The following NAA25 variants were observed in gnomAD, a reference collection of about 807,000 sequenced individuals.
NAA25 encodes the protein N-terminal acetyltransferase B complex subunit NAA25.
Under a neutral mutation model 132.5 loss-of-function variants are expected in NAA25, and 30 were observed. That is an observed-to-expected ratio of 0.23 (90% CI 0.17 to 0.31). NAA25 has a LOEUF of 0.31. NAA25 is among the 10% of genes least tolerant of loss of function. NAA25 has a pLI of 1.00. For missense variants in NAA25, 771 were observed against 1,150.4 expected (o/e 0.67, Z 4.77); for synonymous variants, 359 against 401.9 (o/e 0.89, Z 1.28).
chr12:112,050,177 G>A (rs1484941379), intron 15 of NAA25, among the ~76,000 whole-genome samples: 1 of 151,984 alleles, frequency 6.6e-6, no homozygotes, highest in Admixed American at 6.6e-5. Context: ...TAGTCCTTCT[G>A]TAACACTGCA....
At chr12:112,071,662 G>A (rs977891277) in intron 10 of NAA25, among the ~76,000 whole-genome samples, 3 of 152,114 alleles carry the variant, frequency 2.0e-5, no homozygotes, top group African/African-American at 7.2e-5. Flanking sequence ...GTCAGCAACA[G>A]AATGCCTGAC....
At chr12:112,108,575 G>T in intron 1 of NAA25, 141 bp downstream of exon 1, 1 of 912,198 alleles carries the variant, frequency 1.1e-6, no homozygotes, top group Non-Finnish European at 1.4e-6. Context: ...CCGCGGCTGC[G>T]GCCTAGTGGC....
chr12:112,093,449 G>A (rs528250036), intron 1 of NAA25, among the ~76,000 whole-genome samples: 2 of 152,226 alleles, frequency 1.3e-5, no homozygotes, highest in African/African-American at 2.4e-5. Flanking sequence ...GCTGAGGCAC[G>A]AGAATCGCTT....
At chr12:112,078,580 A>T in intron 6 of NAA25, 54 bp downstream of exon 6, 6 of 1,419,070 alleles carry the variant, frequency 4.2e-6, no homozygotes, top group Non-Finnish European at 5.0e-6. Context: ...ATAACATAAT[A>T]TTGTAGCACT....
chr12:112,074,191 A>G (rs1314777758), intron 9 of NAA25, among the ~76,000 whole-genome samples: 1 of 152,032 alleles, frequency 6.6e-6, no homozygotes, highest in Non-Finnish European at 1.5e-5. Flanking sequence ...AAATACAAAA[A>G]GTAGCTGAGC....
At chr12:112,061,530 T>C in intron 11 of NAA25, 142 bp from the exon 12 acceptor site, 1 of 688,120 alleles carries the variant, frequency 1.5e-6, no homozygotes, top group East Asian at 2.7e-5. Context: ...ATTTTCTATC[T>C]ACCAAAATAG....
At chr12:112,033,190 G>T (rs1365772303) in intron 23 of NAA25, 43 bp downstream of exon 23, 1 of 1,533,564 alleles carries the variant, frequency 6.5e-7, no homozygotes. Flanking sequence ...CAGAGTGTTT[G>T]TGTGTGTGTA....
At chr12:112,096,812 C>CA (rs1468554799) in intron 1 of NAA25, among the ~76,000 whole-genome samples, 1 of 152,190 alleles carries the variant, frequency 6.6e-6, no homozygotes, top group Non-Finnish European at 1.5e-5. Flanking sequence ...AGTTCTAAGT[C>CA]ATTGCTGACT....
intron 1 of NAA25, among the ~76,000 whole-genome samples, chr12:112,096,998 T>C (rs1284150059): frequency 6.6e-6 from 1 of 152,192 alleles, no homozygotes; most frequent in African/African-American, 2.4e-5. Flanking sequence ...TCTGATATAA[T>C]GTACCTACTT....
In NAA25 at chr12:112,031,973, C is replaced by CT. The variant is rs543562609; in HGVS notation, c.2796+1259dup. Among the ~76,000 whole-genome samples the CT allele has an allele frequency of 6.7e-4, 99 of 146,908 alleles. 2 individuals are homozygous for CT. Among genetic ancestry groups the CT allele is most frequent in the Middle Eastern group, 3.4e-3 (1 of 292 alleles). On this transcript the variant is annotated intron_variant, in intron 23 of 23. Transcript: ENST00000261745. Reference sequence around the variant, plus strand: ...TATGAACATGTCTGCTTTTTTTTTTCTTTTTTTTGAGACGGAGTCTCATTC... The same window carrying CT: ...TATGAACATGTCTGCTTTTTTTTTTCTTTTTTTTTGAGACGGAGTCTCATTC...
chr12:112,052,688 G>T (rs557913620), intron 15 of NAA25, among the ~76,000 whole-genome samples: 1 of 152,190 alleles, frequency 6.6e-6, no homozygotes, highest in East Asian at 1.9e-4. Flanking sequence ...AAACAAAAGG[G>T]TTTAAAAAAA....
intron 13 of NAA25, among the ~76,000 whole-genome samples, chr12:112,055,722 A>G (rs2078534195): frequency 1.3e-5 from 2 of 152,038 alleles, no homozygotes; most frequent in African/African-American, 4.8e-5. Context: ...AGAAAAGGAA[A>G]AAAAAAAAGA....
chr12:112,101,442 GA>G (rs1851839392), intron 1 of NAA25, among the ~76,000 whole-genome samples: 1 of 152,070 alleles, frequency 6.6e-6, no homozygotes, highest in African/African-American at 2.4e-5. Flanking sequence ...CAGTCTGCTA[GA>G]AAAATGAAAG....
In NAA25 at chr12:112,075,710, G is replaced by A. The variant is rs138088900; in HGVS notation, c.744C>T (p.Cys248=). The change falls in exon 8 of 24, where the codon TGC becomes TGT. Residue 248 remains cysteine, a synonymous_variant. Transcript: ENST00000261745. ...MYKKLSRWPE[C]NALSRRLLLK... ...GTAAGAGGCGCCGGGAAAGGGCATTGCACTCTGGCCACCTGCTCAGCTTCT... is the reference window on the plus strand; with the variant it reads ...GTAAGAGGCGCCGGGAAAGGGCATTACACTCTGGCCACCTGCTCAGCTTCT... The A allele has an allele frequency of 1.5e-5, 24 of 1,613,876 alleles. No homozygotes were observed. The African/African-American group carries it at 2.4e-4, about 16-fold the overall frequency.
chr12:112,038,313 C>T (rs2078254366), intron 22 of NAA25, among the ~76,000 whole-genome samples: 1 of 152,168 alleles, frequency 6.6e-6, no homozygotes, highest in Non-Finnish European at 1.5e-5. Context: ...CACATCCGGC[C>T]TGAATATGGA....
chr12:112,061,127 T>G, intron 12 of NAA25, 54 bp downstream of exon 12: 1 of 1,514,078 alleles, frequency 6.6e-7, no homozygotes, highest in Non-Finnish European at 9.1e-7. Flanking sequence ...AAAACTGCCT[T>G]CTAAGTCTTA....
chr12:112,041,727 C>G (rs892708930), intron 20 of NAA25, among the ~76,000 whole-genome samples: 1 of 151,962 alleles, frequency 6.6e-6, no homozygotes, highest in African/African-American at 2.4e-5. Context: ...TAATACAATA[C>G]TATAGAATAT....
intron 17 of NAA25, among the ~76,000 whole-genome samples, chr12:112,044,602 G>A (rs539442930): frequency 9.9e-4 from 151 of 151,870 alleles, no homozygotes; most frequent in African/African-American, 3.5e-3. Context: ...CCAGGGAGGC[G>A]GAGCTTGCAG....
chr12:112,060,248 A>G lies in NAA25; in HGVS notation c.1447+22T>C, dbSNP rs756621062. On this transcript the variant is annotated intron_variant, in intron 13 of 23. Coordinates refer to ENST00000261745, the MANE Select transcript of NAA25 (RefSeq NM_024953.4). Reference sequence around the variant, plus strand: ...TCAATAAAAGCAAAAAGTAAAGTTGAACTGAAATCACTGCTACTTACCTGT... The same window carrying G: ...TCAATAAAAGCAAAAAGTAAAGTTGGACTGAAATCACTGCTACTTACCTGT... 26 of 1,541,758 alleles carry G rather than the reference A, an allele frequency of 1.7e-5. No homozygotes were observed. The Admixed American group carries it at 4.6e-4, about 27-fold the overall frequency.
Sources: gnomAD v4.1 joint callset for allele counts (sites outside exome capture counted in the v4.1 genomes callset) on GRCh38, gnomAD v4.1.1 for gene constraint, MANE v1.5 for transcripts, NCBI Gene and HGNC (gene_info 2026-07-23, HGNC 2026-07-21) for gene names.